Variants in SUGCT observed in about 807,000 individuals in gnomAD.
The protein encoded by SUGCT is succinyl-CoA:glutarate-CoA transferase.
A neutral mutation model predicts 55.0 loss-of-function variants in SUGCT; 41 were observed. That is an observed-to-expected ratio of 0.74 (90% CI 0.58 to 0.97). The LOEUF is 0.97. Ranked by LOEUF, SUGCT falls within the 50% of genes least tolerant of loss-of-function variation. The pLI is 0.00. For missense variants in SUGCT, 568 were observed against 547.8 expected (o/e 1.04, Z -0.37); for synonymous variants, 187 against 200.4 (o/e 0.93, Z 0.56).
intron 12 of SUGCT, among the ~76,000 whole-genome samples, chr7:40,568,599 C>T (rs1170159698): frequency 6.6e-6 from 1 of 152,162 alleles, no homozygotes; most frequent in African/African-American, 2.4e-5. Flanking sequence ...GGTGACATGG[C>T]CTGTGGGGAG....
the SUGCT span, among the ~76,000 whole-genome samples, chr7:40,980,870 G>C: frequency 2.6e-5 from 4 of 152,206 alleles, no homozygotes; most frequent in South Asian, 8.3e-4. Context: ...CTAAGTTTTT[G>C]TATCTTTGGT....
At chr7:40,169,830 T>C (rs1784589742) in intron 1 of SUGCT, among the ~76,000 whole-genome samples, 1 of 152,076 alleles carries the variant, frequency 6.6e-6, no homozygotes, top group African/African-American at 2.4e-5. Flanking sequence ...ATAGGGTTTC[T>C]AAGTTTTGCT....
chr7:40,147,965 G>T (rs1562795462), intron 1 of SUGCT, among the ~76,000 whole-genome samples: 1 of 152,224 alleles, frequency 6.6e-6, no homozygotes, highest in Non-Finnish European at 1.5e-5. Context: ...GGACAAGGGA[G>T]GGGAAGGGGA....
intron 12 of SUGCT, among the ~76,000 whole-genome samples, chr7:40,698,678 C>T (rs1056239351): frequency 3.9e-5 from 6 of 152,308 alleles, no homozygotes; most frequent in African/African-American, 1.2e-4. Flanking sequence ...TAAGATTGGG[C>T]TTCGTATCCA....
chr7:40,410,013 TC>T (rs979671082), intron 9 of SUGCT, among the ~76,000 whole-genome samples: 5 of 152,184 alleles, frequency 3.3e-5, no homozygotes, highest in Admixed American at 2.0e-4. Flanking sequence ...ATATTTTACA[TC>T]TTTTGGGTGC....
chr7:40,367,958 C>T (rs1562719968), intron 9 of SUGCT, among the ~76,000 whole-genome samples: 1 of 152,176 alleles, frequency 6.6e-6, no homozygotes, highest in Non-Finnish European at 1.5e-5. Context: ...GGCAAACCAC[C>T]TGCTTTCATT....
intron 9 of SUGCT, among the ~76,000 whole-genome samples, chr7:40,321,961 C>G (rs1287585326): frequency 3.3e-5 from 5 of 152,112 alleles, no homozygotes; most frequent in Non-Finnish European, 5.9e-5. Flanking sequence ...AGTGGGATTG[C>G]TGGATTGAAT....
chr7:40,818,718 A>G (rs1331381104), intron 13 of SUGCT, among the ~76,000 whole-genome samples: 1 of 152,162 alleles, frequency 6.6e-6, no homozygotes, highest in African/African-American at 2.4e-5. Flanking sequence ...GGTAAGAGAT[A>G]CAGTACCACA....
intron 9 of SUGCT, among the ~76,000 whole-genome samples, chr7:40,425,545 G>A (rs1325429733): frequency 6.6e-6 from 1 of 152,094 alleles, no homozygotes; most frequent in Non-Finnish European, 1.5e-5. Context: ...ATGAAAACCT[G>A]TTTCAGACAC....
intron 12 of SUGCT, among the ~76,000 whole-genome samples, chr7:40,700,973 A>G (rs372387695): frequency 5.3e-5 from 8 of 152,056 alleles, no homozygotes; most frequent in African/African-American, 1.9e-4. Flanking sequence ...AATTACAAGC[A>G]AGGGTTGGAG....
intron 12 of SUGCT, among the ~76,000 whole-genome samples, chr7:40,516,586 T>TTA (rs1328126093): frequency 6.6e-6 from 1 of 152,066 alleles, no homozygotes; most frequent in Non-Finnish European, 1.5e-5. Flanking sequence ...ACAGCACCAG[T>TTA]TATTACAAAG....
At chr7:40,387,737 T>C (rs1441753947) in intron 9 of SUGCT, among the ~76,000 whole-genome samples, 1 of 152,194 alleles carries the variant, frequency 6.6e-6, no homozygotes, top group Non-Finnish European at 1.5e-5. Flanking sequence ...ATTAATAATG[T>C]CTATAAAGTG....
At chr7:40,595,060 A>G (rs1797928963) in intron 12 of SUGCT, among the ~76,000 whole-genome samples, 2 of 152,204 alleles carry the variant, frequency 1.3e-5, no homozygotes, top group South Asian at 4.1e-4. Flanking sequence ...AAAAAAAATA[A>G]TTCTCTGTAT....
chr7:40,607,904 G>A (rs772100459), intron 12 of SUGCT, among the ~76,000 whole-genome samples: 1 of 152,170 alleles, frequency 6.6e-6, no homozygotes, highest in African/African-American at 2.4e-5. Flanking sequence ...TGATACTGCT[G>A]CTCACATTCT....
At chr7:40,247,152 G>A (rs6956802) in intron 7 of SUGCT, among the ~76,000 whole-genome samples, 59,071 of 151,978 alleles carry the variant, frequency 0.39, 12,170 homozygotes, top group East Asian at 0.5. Context: ...CAGGGTAGAT[G>A]TATATTTAGC....
intron 12 of SUGCT, among the ~76,000 whole-genome samples, chr7:40,537,661 C>T (rs1271781867): frequency 2.6e-5 from 4 of 152,178 alleles, no homozygotes; most frequent in African/African-American, 9.6e-5. Context: ...TTCAAATGTA[C>T]TGGACTGTTA....
intron 8 of SUGCT, among the ~76,000 whole-genome samples, chr7:40,289,387 G>A (rs1428352869): frequency 6.6e-6 from 1 of 152,128 alleles, no homozygotes; most frequent in Non-Finnish European, 1.5e-5. Flanking sequence ...ATGTATAGGA[G>A]TTGAACAATA....
chr7:40,662,445 A>G (rs976230985), intron 12 of SUGCT, among the ~76,000 whole-genome samples: 1 of 152,222 alleles, frequency 6.6e-6, no homozygotes, highest in Non-Finnish European at 1.5e-5. Flanking sequence ...CATAGGCTTC[A>G]AGGTCTACCT....
At chr7:40,155,053 G>A (rs1043647071) in intron 1 of SUGCT, among the ~76,000 whole-genome samples, 3 of 152,170 alleles carry the variant, frequency 2.0e-5, no homozygotes, top group African/African-American at 2.4e-5. Flanking sequence ...TTGGGAGGCC[G>A]AGGTGGGTGA....
Sources: allele counts gnomAD v4.1 joint callset (sites outside exome capture counted in the v4.1 genomes callset), GRCh38; gene constraint gnomAD v4.1.1; transcripts MANE v1.5; gene names NCBI Gene and HGNC (gene_info 2026-07-23, HGNC 2026-07-21).